SLC12A5: variants seen among roughly 807,000 people sequenced by gnomAD.
SLC12A5 encodes K-Cl cotransporter 2.
A neutral mutation model predicts 124.0 loss-of-function variants in SLC12A5; 18 were observed. That is an observed-to-expected ratio of 0.15 (90% CI 0.10 to 0.22). The LOEUF is 0.22. Among genes scored for constraint, SLC12A5 ranks in the 10% least tolerant of loss-of-function variants. SLC12A5 has a pLI of 1.00. For missense variants in SLC12A5, 867 were observed against 1,478.7 expected, an observed-to-expected ratio of 0.59 and a Z score of 6.78; for synonymous variants, 589 against 568.0, an observed-to-expected ratio of 1.04 and a Z score of -0.53.
intron 1 of SLC12A5, chr20:46,021,987 C>G (rs1453952557): frequency 5.8e-6 from 6 of 1,031,906 alleles, no homozygotes; most frequent in Admixed American, 3.6e-5. Flanking sequence ...AGACCGGGGG[C>G]GGGGAGGGGT....
intron 1 of SLC12A5, chr20:46,022,082 A>T: frequency 1.3e-4 from 35 of 279,138 alleles, no homozygotes; most frequent in East Asian, 3.8e-4. Flanking sequence ...GTGGAGGGGG[A>T]GGGGCCAAAC....
intron 17 of SLC12A5, among the ~76,000 whole-genome samples, chr20:46,050,945 G>A (rs1229655823): frequency 1.3e-5 from 2 of 152,172 alleles, no homozygotes; most frequent in Non-Finnish European, 2.9e-5. Flanking sequence ...TCCTAAACAA[G>A]GTAGCTTGTC....
intron 11 of SLC12A5, among the ~76,000 whole-genome samples, chr20:46,044,219 G>A (rs1000390031): frequency 6.6e-6 from 1 of 152,178 alleles, no homozygotes; most frequent in African/African-American, 2.4e-5. Flanking sequence ...ATGTCCATGT[G>A]TTGGTCACAC....
At position 46,043,624 on chromosome 20, in the gene SLC12A5, G is replaced by A; in HGVS notation, c.1238-9G>A. 2 of 1,614,160 alleles carry A rather than the reference G, an allele frequency of 1.2e-6. No homozygotes were observed. The highest frequency in any genetic ancestry group is 1.7e-6 in the Non-Finnish European group (2 of 1,179,996). ...TGGCTTGAGTCCTAGCTGCACTTCT[G>A]TTTTGCAGGGATCATGGCTGGTTCT... On this transcript the variant is annotated splice_polypyrimidine_tract_variant and intron_variant, in intron 9 of 25. Coordinates refer to ENST00000243964, the MANE Select transcript of SLC12A5 (RefSeq NM_020708.5).
At position 46,045,180 on chromosome 20, in the gene SLC12A5, GC is replaced by G; in HGVS notation, c.1569+42del. The G allele has an allele frequency of 1.3e-6, 2 of 1,525,716 alleles. No individual in the cohort carries two copies. Among genetic ancestry groups the G allele is most frequent in the South Asian group, 2.6e-5 (2 of 78,230 alleles). 94.5% of individuals were successfully genotyped at this position (1,525,716 alleles called of 1,614,324 possible). On this transcript the variant is annotated intron_variant, in intron 12 of 25. Coordinates refer to ENST00000243964, the MANE Select transcript of SLC12A5 (RefSeq NM_020708.5). The surrounding 1 kb of genome is among the most constrained non-coding windows in gnomAD (Gnocchi z 4.9). ...AGAACAGCCCACCCTCAGTAGACCA[GC>G]CAGGCCCCTGCCCAGAGAGACCACA... is the stretch of plus-strand genomic sequence containing the variant.
chr20:46,057,056 C>T lies in SLC12A5; in HGVS notation c.3126-114C>T, dbSNP rs2084702265. ...CTGGAGATGTTTAGGATTGGTGGTC[C>T]TAGGCTTGCAAGAACCAGTCCCCAG... On this transcript the variant is annotated intron_variant, in intron 24 of 25. Coordinates refer to ENST00000243964, the MANE Select transcript of SLC12A5 (RefSeq NM_020708.5). This position sits in a 1 kb window ranked among gnomAD's most constrained non-coding sequence, Gnocchi z 7.1. 8.2e-6 allele frequency: 13 copies of T among 1,591,684 alleles called. No individual in the cohort carries two copies. Among genetic ancestry groups the T allele is most frequent in the South Asian group, 7.8e-5 (7 of 90,168 alleles).
At chr20:46,032,150 A>AT (rs1179718591) in intron 1 of SLC12A5, among the ~76,000 whole-genome samples, 1 of 152,078 alleles carries the variant, frequency 6.6e-6, no homozygotes, top group Non-Finnish European at 1.5e-5. Flanking sequence ...GCGTTACATA[A>AT]GCGGCTGCGG....
upstream of SLC12A5, among the ~76,000 whole-genome samples, chr20:46,026,504 A>G (rs1342154657): frequency 6.6e-6 from 1 of 152,222 alleles, no homozygotes; most frequent in Non-Finnish European, 1.5e-5. Context: ...GCTGGAGGCC[A>G]GAATAGGGCA....
At position 46,037,169 on chromosome 20, in the gene SLC12A5, T is replaced by C. The variant is rs1330336389; in HGVS notation, c.482-86T>C. The C allele has an allele frequency of 6.0e-6, 9 of 1,501,802 alleles. No individual in the cohort carries two copies. In the African/African-American group the frequency reaches 1.3e-4, roughly 21 times the overall value. 93.0% of individuals were successfully genotyped at this position (1,501,802 alleles called of 1,614,324 possible). A position where few individuals can be genotyped will look rare whatever the true frequency, so the allele number is the denominator to read the frequency against. ...GCCTGTGAGGCCTGGAGCAACCCCC[T>C]TCTGCCTCTGTCACTGAACACCCCT... On this transcript the variant is annotated intron_variant, in intron 5 of 25. Coordinates refer to ENST00000243964, the MANE Select transcript of SLC12A5 (RefSeq NM_020708.5).
chr20:46,044,712 A>C, intron 11 of SLC12A5: 3 of 502,090 alleles, frequency 6.0e-6, no homozygotes, highest in Non-Finnish European at 7.1e-6. Flanking sequence ...CTGTAAGGGA[A>C]TGCAGTGGGG....
Position 46,043,638 on chromosome 20 carries a change from A to T in SLC12A5, c.1243A>T (p.Met415Leu), listed in dbSNP as rs368484023. 1 of 1,614,032 alleles carries T rather than the reference A, an allele frequency of 6.2e-7. No individual in the cohort carries two copies. Among genetic ancestry groups the T allele is most frequent in the African/African-American group, 1.3e-5 (1 of 74,924 alleles). The change falls in exon 10 of 26, where the codon ATG becomes TTG. Residue 415 changes from methionine to leucine, a missense_variant. Physicochemically the swap from Met to Leu is conservative, Grantham distance 15 (BLOSUM62 2). Transcript: ENST00000243964. ...GIYFPSVTGIMAGSNRSGDLR... is the reference protein window; with the variant it reads ...GIYFPSVTGILAGSNRSGDLR... ...GCTGCACTTCTGTTTTGCAGGGATC[A>T]TGGCTGGTTCTAACCGCTCTGGGGA...
upstream of SLC12A5, among the ~76,000 whole-genome samples, chr20:46,027,270 A>T (rs563596998): frequency 5.4e-4 from 82 of 152,254 alleles, no homozygotes; most frequent in Middle Eastern, 3.4e-3. Context: ...CTGAATAGCT[A>T]ACTCTCCACC....
downstream of SLC12A5, chr20:46,023,664 A>C (rs1308435592): frequency 4.6e-5 from 18 of 389,832 alleles, no homozygotes; most frequent in Non-Finnish European, 8.1e-5. Context: ...GAAAACTCCT[A>C]TTCGTTCTGT....
intron 5 of SLC12A5, 27 bp downstream of exon 5, chr20:46,036,822 G>T: frequency 6.2e-7 from 1 of 1,613,566 alleles, no homozygotes; most frequent in South Asian, 1.1e-5. Context: ...TTGTGGGGAG[G>T]GAGGATGGCT....
In SLC12A5 at chr20:46,057,704, G is replaced by T. The variant is rs1379759021; in HGVS notation, c.*99G>T. Reference sequence around the variant, plus strand: ...CTGTCACCGTTTACATACAGACCCTGTGCCCGTGTCCTGGCCCCTTACCCC... The same window carrying T: ...CTGTCACCGTTTACATACAGACCCTTTGCCCGTGTCCTGGCCCCTTACCCC... On this transcript the variant is annotated 3_prime_UTR_variant, in exon 26 of 26. Transcript: ENST00000243964. This position sits in a 1 kb window ranked among gnomAD's most constrained non-coding sequence, Gnocchi z 7.1. The T allele has an allele frequency of 6.3e-5, 58 of 923,450 alleles. No homozygotes were observed. Among genetic ancestry groups the T allele is most frequent in the Non-Finnish European group, 5.2e-5 (32 of 621,208 alleles). The allele number at this position is 923,450 out of a possible 1,614,324, so 57.2% of individuals were successfully genotyped here.
intron 18 of SLC12A5, among the ~76,000 whole-genome samples, chr20:46,052,713 T>G (rs1215900693): frequency 5.3e-5 from 8 of 152,188 alleles, no homozygotes; most frequent in Non-Finnish European, 8.8e-5. Flanking sequence ...GCAGGTGGTG[T>G]TATTGCCATT....
At chr20:46,052,479 C>T (rs1046417440) in intron 18 of SLC12A5, among the ~76,000 whole-genome samples, 3 of 152,200 alleles carry the variant, frequency 2.0e-5, no homozygotes, top group Non-Finnish European at 2.9e-5. Context: ...GCAGGTGGAT[C>T]GCTTGCGCTC....
rs2084487042 is a variant in SLC12A5, at chr20:46,035,268, TTCC to T, written c.148-128_148-126del. The T allele has an allele frequency of 5.9e-5, 69 of 1,174,566 alleles. No individual in the cohort carries two copies. In the South Asian group the frequency reaches 7.9e-4, roughly 14 times the overall value. The allele number at this position is 1,174,566 out of a possible 1,614,324, so 72.8% of individuals were successfully genotyped here. A position where few individuals can be genotyped will look rare whatever the true frequency, so the allele number is the denominator to read the frequency against. On this transcript the variant is annotated intron_variant, in intron 2 of 25. Transcript: ENST00000243964. ...TTCTTACCCCTGTTCTCCTCACCTG[TTCC>T]TCCTCCTTTCCCATCTCATCCCAAC...
chr20:46,023,246 C>T (rs1397426301), intron 2 of SLC12A5: 4 of 398,224 alleles, frequency 1.0e-5, no homozygotes, highest in Non-Finnish European at 1.8e-5. Context: ...TTCTTGGGCT[C>T]CTTCCACTCT....
Sources: allele counts gnomAD v4.1 joint callset (sites outside exome capture counted in the v4.1 genomes callset), GRCh38; gene constraint gnomAD v4.1.1; non-coding constraint Gnocchi (gnomAD v3.1); transcripts MANE v1.5; gene names NCBI Gene and HGNC (gene_info 2026-07-23, HGNC 2026-07-21).